Variants in STX18 observed in about 807,000 individuals in gnomAD.
STX18 encodes the protein syntaxin 18.
A neutral mutation model predicts 50.1 loss-of-function variants in STX18; 40 were observed. The ratio of observed to expected loss-of-function variants is 0.80; its 90% confidence interval spans 0.62 to 1.04. The LOEUF (loss-of-function observed/expected upper bound fraction) is 1.04. Among genes scored for constraint, STX18 ranks in the 50% least tolerant of loss-of-function variants. The pLI is 0.00. For missense variants in STX18, 410 were observed against 415.8 expected, an observed-to-expected ratio of 0.99 and a Z score of 0.12; for synonymous variants, 158 against 151.8, an observed-to-expected ratio of 1.04 and a Z score of -0.30.
intron 7 of STX18, among the ~76,000 whole-genome samples, chr4:4,433,129 GT>G (rs1725599675): frequency 6.6e-6 from 1 of 152,182 alleles, no homozygotes; most frequent in Admixed American, 6.5e-5. Flanking sequence ...TTTAGTTTTT[GT>G]GCGTCATTTT....
chr4:4,420,725 G>A lies in STX18; in HGVS notation c.912+139C>T, dbSNP rs368361474. ...GGGTCTCATGAACACACGCAGCTCC[G>A]CGGTCACACAATTTTGTGATCAGCC... is the stretch of plus-strand genomic sequence containing the variant. On this transcript the variant is annotated intron_variant, in intron 10 of 10. Transcript: ENST00000306200. The surrounding 1 kb of genome is among the most constrained non-coding windows in gnomAD (Gnocchi z 4.3). The A allele has an allele frequency of 2.0e-4, 153 of 750,078 alleles. No individual in the cohort carries two copies. The African/African-American group carries it at 2.1e-3, about 10-fold the overall frequency. 46.5% of individuals were successfully genotyped at this position (750,078 alleles called of 1,614,324 possible).
intron 1 of STX18, among the ~76,000 whole-genome samples, chr4:4,532,302 T>C (rs1053951136): frequency 2.6e-5 from 4 of 152,228 alleles, no homozygotes; most frequent in African/African-American, 9.6e-5. Context: ...TTCTGTTTAA[T>C]GAGCACTTAC....
At chr4:4,456,008 G>C (rs984173556) in intron 5 of STX18, among the ~76,000 whole-genome samples, 2 of 152,156 alleles carry the variant, frequency 1.3e-5, no homozygotes, top group Non-Finnish European at 2.9e-5. Context: ...ATGTGGGCCA[G>C]ACATGGTGGC....
chr4:4,470,105 C>A (rs1201794595), intron 2 of STX18, among the ~76,000 whole-genome samples: 1 of 152,146 alleles, frequency 6.6e-6, no homozygotes, highest in African/African-American at 2.4e-5. Flanking sequence ...TTGTATTTTA[C>A]CCCCAGATGT....
chr4:4,482,501 A>G (rs1185317217), intron 1 of STX18, among the ~76,000 whole-genome samples: 2 of 151,688 alleles, frequency 1.3e-5, no homozygotes, highest in Non-Finnish European at 2.9e-5. Context: ...GCCATTTTAC[A>G]CTCTTCTCTC....
intron 2 of STX18, among the ~76,000 whole-genome samples, chr4:4,468,856 G>C (rs892755351): frequency 6.6e-6 from 1 of 152,164 alleles, no homozygotes; most frequent in Non-Finnish European, 1.5e-5. Flanking sequence ...ATTCCTAATA[G>C]TCTCAAAGTG....
intron 1 of STX18, among the ~76,000 whole-genome samples, chr4:4,486,069 A>T (rs1226492732): frequency 6.6e-6 from 1 of 152,184 alleles, no homozygotes; most frequent in Non-Finnish European, 1.5e-5. Context: ...CTTTGGAGTC[A>T]CCGGGTGATG....
rs781243259 is a variant in STX18 at position 4,541,959 on chromosome 4, C to A, written c.6G>T (p.Ala2=). 1 of 1,603,060 alleles carries A rather than the reference C, an allele frequency of 6.2e-7. No homozygotes were observed. The highest frequency in any genetic ancestry group is 8.5e-7 in the Non-Finnish European group (1 of 1,176,026). M[A]VDITLLFRAS... ...CCCGGAATAGCAGCGTGATGTCCACCGCCATAGCGACCCGCACCCTCAGCC... is the reference window on the plus strand; with the variant it reads ...CCCGGAATAGCAGCGTGATGTCCACAGCCATAGCGACCCGCACCCTCAGCC... Residue 2 remains alanine (A), a synonymous_variant, in exon 1 of 11, where the codon GCG becomes GCT. Coordinates refer to ENST00000306200, the MANE Select transcript of STX18 (RefSeq NM_016930.4).
At chr4:4,478,967 CCA>C (rs1728329684) in intron 1 of STX18, 1 of 152,614 alleles carries the variant, frequency 6.6e-6, no homozygotes, top group Non-Finnish European at 1.5e-5. Context: ...TCAGGTAGTT[CCA>C]CTGGACTGGG....
chr4:4,437,658 G>A (rs897765791), intron 6 of STX18: 3 of 984,514 alleles, frequency 3.0e-6, no homozygotes, highest in African/African-American at 3.5e-5. Context: ...TGAGACTACG[G>A]AGAAGGATGC....
At chr4:4,436,606 G>A (rs1490204445) in intron 6 of STX18, among the ~76,000 whole-genome samples, 1 of 152,218 alleles carries the variant, frequency 6.6e-6, no homozygotes, top group East Asian at 1.9e-4. Flanking sequence ...TCTACAACAT[G>A]CTCATTTGTG....
At position 4,470,147 on chromosome 4, in the gene STX18, G is replaced by A. The variant is rs542785403; in HGVS notation, c.236+1492C>T. Among the ~76,000 whole-genome samples, 3 of 152,302 alleles carry A rather than the reference G, an allele frequency of 2.0e-5. No individual in the cohort carries two copies. In the East Asian group the frequency reaches 5.8e-4, roughly 29 times the overall value. ...AGCATCTAGAATTCAATAAACCTGT[G>A]ACGAACCAGGAAGTTTAATCTGAAG... On this transcript the variant is annotated intron_variant, in intron 2 of 10. Transcript: ENST00000306200.
chr4:4,515,290 T>C (rs1393682104), intron 1 of STX18, among the ~76,000 whole-genome samples: 4 of 152,178 alleles, frequency 2.6e-5, no homozygotes, highest in East Asian at 3.8e-4. Flanking sequence ...CCAGTGATAA[T>C]TGTAATGTGA....
intron 1 of STX18, among the ~76,000 whole-genome samples, chr4:4,533,423 CT>C (rs1398368783): frequency 6.6e-6 from 1 of 152,134 alleles, no homozygotes; most frequent in African/African-American, 2.4e-5. Context: ...TATAAAATCA[CT>C]CAATAATATA....
chr4:4,498,555 T>C (rs919570334), intron 1 of STX18, among the ~76,000 whole-genome samples: 2 of 152,214 alleles, frequency 1.3e-5, no homozygotes, highest in African/African-American at 4.8e-5. Context: ...TTGGATTATC[T>C]ATATCATTGC....
intron 3 of STX18, among the ~76,000 whole-genome samples, chr4:4,459,062 G>GCGCACACACACACACACA (rs71638564): frequency 4.2e-5 from 6 of 144,282 alleles, no homozygotes; most frequent in Non-Finnish European, 9.2e-5. Context: ...ACACACACAC[G>GCGCACACACACACACACA]CACACACACA....
At position 4,539,406 on chromosome 4, in the gene STX18, A is replaced by C. The variant is rs190697162; in HGVS notation, c.168+2391T>G. On this transcript the variant is annotated intron_variant, in intron 1 of 10. Transcript: ENST00000306200. ...TTTGACATCTAATTGTAGTAAAAGC[A>C]CAGGACATCCATCACTAGCTCTTCT... 2.1e-3 allele frequency among the ~76,000 whole-genome samples: 313 copies of C among 152,358 alleles called. 1 individual carries two copies. The highest frequency in any genetic ancestry group is 7.1e-3 in the African/African-American group (294 of 41,594).
At chr4:4,463,834 T>C (rs1033834116) in intron 2 of STX18, among the ~76,000 whole-genome samples, 3 of 152,224 alleles carry the variant, frequency 2.0e-5, no homozygotes, top group Non-Finnish European at 2.9e-5. Flanking sequence ...CTTGGTACTA[T>C]GCATCGGAAT....
At chr4:4,517,454 G>A (rs189957418) in intron 1 of STX18, among the ~76,000 whole-genome samples, 134 of 152,320 alleles carry the variant, frequency 8.8e-4, no homozygotes, top group Non-Finnish European at 5.6e-4. Context: ...GGAATTTACA[G>A]TCACATAATT....
Sources: allele counts gnomAD v4.1 joint callset (sites outside exome capture counted in the v4.1 genomes callset), GRCh38; gene constraint gnomAD v4.1.1; non-coding constraint Gnocchi (gnomAD v3.1); transcripts MANE v1.5; gene names NCBI Gene and HGNC (gene_info 2026-07-23, HGNC 2026-07-21).